DRC7: variants seen among roughly 807,000 people sequenced by gnomAD.
DRC7 encodes the protein coiled-coil domain containing 135.
A neutral mutation model predicts 104.4 loss-of-function variants in DRC7; 80 were observed. The observed-to-expected ratio is 0.77, with a 90% CI of 0.64 to 0.92. The LOEUF is 0.92. Ranked by LOEUF, DRC7 falls within the 40% of genes least tolerant of loss-of-function variation. DRC7 has a pLI of 0.00. For missense variants in DRC7, 1,034 were observed against 1,141.1 expected, an observed-to-expected ratio of 0.91 and a Z score of 1.35; for synonymous variants, 405 against 447.3, an observed-to-expected ratio of 0.91 and a Z score of 1.19.
At chr16:57,727,474 G>A in intron 16 of DRC7, 65 bp downstream of exon 16, 2 of 1,152,600 alleles carry the variant, frequency 1.7e-6, no homozygotes, top group Non-Finnish European at 2.6e-6. Flanking sequence ...CAGGGTGGTG[G>A]GGACCATGAG....
chr16:57,697,354 C>T (rs188041210), intron 2 of DRC7, among the ~76,000 whole-genome samples: 38 of 152,030 alleles, frequency 2.5e-4, no homozygotes, highest in African/African-American at 8.4e-4. Context: ...GCAGGAAGAT[C>T]GCTTGAGGCC....
intron 8 of DRC7, among the ~76,000 whole-genome samples, chr16:57,718,119 A>G (rs2923134): frequency 0.089 from 13,558 of 152,252 alleles, 737 homozygotes; most frequent in African/African-American, 0.15. Context: ...GGGAGGCTGA[A>G]TGATGGGCAG....
chr16:57,707,466 G>C lies in DRC7; in HGVS notation c.865G>C (p.Glu289Gln). ...REEEERLMEA[E>Q]KAKPDALHGL... ...ACCCACCTTTCCTTGGCAGGAAGCG[G>C]AGAAGGCAAAGCCGGATGCCCTGCA... is the stretch of plus-strand genomic sequence containing the variant. Residue 289 changes from glutamate (E) to glutamine (Q), a missense_variant, in exon 8 of 19, where the codon GAG becomes CAG. By Grantham distance (29) the Glu-to-Gln change is conservative (BLOSUM62 2). Transcript: ENST00000360716. 6.2e-7 allele frequency: 1 copy of C among 1,611,616 alleles called. No individual in the cohort carries two copies. Among genetic ancestry groups the C allele is most frequent in the South Asian group, 1.1e-5 (1 of 90,998 alleles).
At chr16:57,726,696 A>G (rs1324124781) in intron 14 of DRC7, 136 bp from the exon 15 acceptor site, 2 of 589,216 alleles carry the variant, frequency 3.4e-6, no homozygotes, top group Non-Finnish European at 6.1e-6. Context: ...AAGTGAGAAA[A>G]TTAAGGCTCA....
chr16:57,706,803 C>G (rs1369702238), intron 7 of DRC7, among the ~76,000 whole-genome samples: 1 of 142,812 alleles, frequency 7.0e-6, no homozygotes, highest in South Asian at 2.4e-4. Context: ...CATCCATCCT[C>G]CCATCCACCC....
intron 7 of DRC7, among the ~76,000 whole-genome samples, chr16:57,705,264 C>T (rs1399351742): frequency 6.6e-6 from 1 of 152,044 alleles, no homozygotes; most frequent in Non-Finnish European, 1.5e-5. Flanking sequence ...TGGGGCAGCC[C>T]ATTCTATGCT....
rs201527035 is a variant in DRC7 at position 57,728,470 on chromosome 16, G to C, written c.2277G>C (p.Pro759=). The C allele has an allele frequency of 6.2e-7, 1 of 1,612,316 alleles. No individual in the cohort carries two copies. Among genetic ancestry groups the C allele is most frequent in the East Asian group, 2.2e-5 (1 of 44,848 alleles). ...TGGCCCCATTCCTGGCCCAGCTCCC[G>C]CCAGGAGAGAAACTAACATGCTGGC... The part of the protein sequence containing the change: ...DYLAPFLAQL[P]PGEKLTCWQA... Residue 759 remains proline (P), a synonymous_variant, in exon 17 of 19, where the codon CCG becomes CCC. Coordinates refer to ENST00000360716, the MANE Select transcript of DRC7 (RefSeq NM_001289162.2).
At chr16:57,711,379 T>C (rs1457305160) in intron 8 of DRC7, among the ~76,000 whole-genome samples, 1 of 152,276 alleles carries the variant, frequency 6.6e-6, no homozygotes, top group Non-Finnish European at 1.5e-5. Context: ...TTATCAATTT[T>C]GTTGCTCTTG....
intron 8 of DRC7, among the ~76,000 whole-genome samples, chr16:57,709,663 A>C (rs1356646153): frequency 6.6e-6 from 1 of 152,242 alleles, no homozygotes; most frequent in African/African-American, 2.4e-5. Flanking sequence ...GGTGTAATTG[A>C]CATAACATAA....
rs1328416251 is a variant in DRC7 at position 57,707,924 on chromosome 16, A to G, written c.1077+246A>G. 3 of 556,044 alleles carry G rather than the reference A, an allele frequency of 5.4e-6. No individual in the cohort carries two copies. In the East Asian group the frequency reaches 9.4e-5, roughly 17 times the overall value. 34.4% of individuals were successfully genotyped at this position (556,044 alleles called of 1,614,324 possible). On this transcript the variant is annotated intron_variant, in intron 8 of 18. Transcript: ENST00000360716. ...TGGATTGTTTGAATGCATTTTTTAA[A>G]AACTCTATATTGAAGTGTAACCTAC...
At chr16:57,718,730 C>T (rs942026521) in intron 9 of DRC7, among the ~76,000 whole-genome samples, 1 of 152,146 alleles carries the variant, frequency 6.6e-6, no homozygotes, top group Admixed American at 6.5e-5. Flanking sequence ...GGTCTTCTGC[C>T]CCCCATATCG....
At chr16:57,698,816 TG>T in intron 3 of DRC7, 33 bp from the exon 4 acceptor site, 1 of 1,603,332 alleles carries the variant, frequency 6.2e-7, no homozygotes, top group Non-Finnish European at 8.5e-7. Flanking sequence ...GTGCCAGGCA[TG>T]GCTTCCCTAA....
In DRC7 at chr16:57,730,919, C is replaced by G; in HGVS notation, c.2392-12C>G. 6.2e-7 allele frequency: 1 copy of G among 1,612,642 alleles called. No individual in the cohort carries two copies. Among genetic ancestry groups the G allele is most frequent in the East Asian group, 2.2e-5 (1 of 44,886 alleles). On this transcript the variant is annotated splice_polypyrimidine_tract_variant and intron_variant, in intron 17 of 18. Transcript: ENST00000360716. ...TGTCAGTCCTCCTTCTCTGTCTGCC[C>G]TATGACCACAGGAGACCCAGGAGCT...
chr16:57,731,529 C>A lies in DRC7; in HGVS notation c.*271C>A, dbSNP rs1423448465. On this transcript the variant is annotated 3_prime_UTR_variant, in exon 19 of 19. Coordinates refer to ENST00000360716, the MANE Select transcript of DRC7 (RefSeq NM_001289162.2). ...TGTTATCTATAGCCTGGGACCACCC[C>A]CTTCCTCCCCTTGGCCTGTCGTTTG... 1 of 496,368 alleles carries A rather than the reference C, an allele frequency of 2.0e-6. No individual in the cohort carries two copies. The highest frequency in any genetic ancestry group is 3.7e-5 in the East Asian group (1 of 27,250). The allele number at this position is 496,368 out of a possible 1,614,324, so 30.7% of individuals were successfully genotyped here.
chr16:57,730,159 G>GCAT (rs2049042241), intron 17 of DRC7, among the ~76,000 whole-genome samples: 1 of 126,980 alleles, frequency 7.9e-6, no homozygotes, highest in Non-Finnish European at 1.5e-5. Context: ...ATGGATGGAT[G>GCAT]GATGAGTAGG....
rs546869662 is a variant in DRC7, at chr16:57,731,264, C to T, written c.*6C>T. 8 of 1,608,668 alleles carry T rather than the reference C, an allele frequency of 5.0e-6. No homozygotes were observed. The highest frequency in any genetic ancestry group is 6.8e-6 in the Non-Finnish European group (8 of 1,175,736). ...TCCAGAAAATATTCGCTTGATGTCCCTCCTGGGGCCTCAGCCAGAGCTGCC... is the reference window on the plus strand; with the variant it reads ...TCCAGAAAATATTCGCTTGATGTCCTTCCTGGGGCCTCAGCCAGAGCTGCC... On this transcript the variant is annotated 3_prime_UTR_variant, in exon 19 of 19. Transcript: ENST00000360716.
At chr16:57,708,773 C>A (rs146395119) in intron 8 of DRC7, among the ~76,000 whole-genome samples, 22 of 152,270 alleles carry the variant, frequency 1.4e-4, no homozygotes, top group Non-Finnish European at 2.9e-4. Flanking sequence ...TGGATACTTT[C>A]TTTTCCATTT....
chr16:57,707,906 T>A (rs1343767293), intron 8 of DRC7: 2 of 576,334 alleles, frequency 3.5e-6, no homozygotes, highest in Non-Finnish European at 6.2e-6. Context: ...GTGTGGATTG[T>A]TTGAATGCAT....
At chr16:57,699,680 C>T (rs2048636394) in intron 4 of DRC7, among the ~76,000 whole-genome samples, 1 of 152,138 alleles carries the variant, frequency 6.6e-6, no homozygotes, top group African/African-American at 2.4e-5. Flanking sequence ...CTCTGTAGGC[C>T]CCAGGGAGAG....
Sources: gnomAD v4.1 joint callset for allele counts (sites outside exome capture counted in the v4.1 genomes callset) on GRCh38, gnomAD v4.1.1 for gene constraint, MANE v1.5 for transcripts, NCBI Gene and HGNC (gene_info 2026-07-23, HGNC 2026-07-21) for gene names.